Variants in ANKRD30B observed in about 807,000 individuals in gnomAD.
ANKRD30B encodes the protein ankyrin repeat domain-containing protein 30B.
Under a neutral mutation model 202.2 loss-of-function variants are expected in ANKRD30B, and 144 were observed. The ratio of observed to expected loss-of-function variants is 0.71; its 90% CI spans 0.62 to 0.82. The LOEUF is 0.82. ANKRD30B is among the 40% of genes least tolerant of loss of function. ANKRD30B has a pLI of 0.00. For missense variants in ANKRD30B, 1,487 were observed against 1,669.1 expected, an observed-to-expected ratio of 0.89 and a Z score of 1.90; for synonymous variants, 508 against 561.3, an observed-to-expected ratio of 0.91 and a Z score of 1.34.
chr18:14,930,345 T>C, the ANKRD30B span, among the ~76,000 whole-genome samples: 1 of 133,642 alleles, frequency 7.5e-6, no homozygotes, highest in Non-Finnish European at 1.6e-5. Flanking sequence ...AGTGAGTTTC[T>C]GGGAGGAAGG....
chr18:14,765,756 T>G (rs1916023381), intron 7 of ANKRD30B, among the ~76,000 whole-genome samples: 1 of 152,102 alleles, frequency 6.6e-6, no homozygotes, highest in African/African-American at 2.4e-5. Context: ...TCTTTTTTTT[T>G]GTCACCAATC....
chr18:14,895,331 A>G, the ANKRD30B span, among the ~76,000 whole-genome samples: 1 of 152,136 alleles, frequency 6.6e-6, no homozygotes, highest in Non-Finnish European at 1.5e-5. Context: ...CAACAATGAG[A>G]TACCTCTATA....
the ANKRD30B span, among the ~76,000 whole-genome samples, chr18:14,934,279 G>T: frequency 6.6e-6 from 1 of 152,258 alleles, no homozygotes. Context: ...GCGTGTCAGT[G>T]CCTATGAGGC....
At chr18:14,775,525 T>G (rs1208174442) in intron 9 of ANKRD30B, among the ~76,000 whole-genome samples, 2 of 152,354 alleles carry the variant, frequency 1.3e-5, no homozygotes, top group African/African-American at 4.8e-5. Context: ...TTATCCAGTA[T>G]AGATCTGAAG....
At chr18:14,937,777 G>A in the ANKRD30B span, among the ~76,000 whole-genome samples, 2 of 152,040 alleles carry the variant, frequency 1.3e-5, no homozygotes, top group Non-Finnish European at 2.9e-5. Flanking sequence ...TCATTCTTTT[G>A]TTACTTTGTG....
chr18:14,936,252 GAGGTGTTTCCCA>G, the ANKRD30B span, among the ~76,000 whole-genome samples: 1 of 152,222 alleles, frequency 6.6e-6, no homozygotes, highest in Non-Finnish European at 1.5e-5. Flanking sequence ...GTCTGTGTTG[GAGGTGTTTCCCA>G]TCCTTCATGT....
At chr18:14,766,535 C>T (rs1326369693) in intron 7 of ANKRD30B, among the ~76,000 whole-genome samples, 1 of 124,542 alleles carries the variant, frequency 8.0e-6, no homozygotes, top group Non-Finnish European at 1.8e-5. Flanking sequence ...GTCAGGTCAG[C>T]AGAGAAGTGC....
the ANKRD30B span, among the ~76,000 whole-genome samples, chr18:14,922,193 C>T: frequency 0.39 from 58,951 of 151,932 alleles, 13,988 homozygotes; most frequent in East Asian, 0.58. Flanking sequence ...CAGTGCTGCC[C>T]TGTCACAGTG....
At chr18:14,912,869 A>G in the ANKRD30B span, among the ~76,000 whole-genome samples, 5 of 152,370 alleles carry the variant, frequency 3.3e-5, no homozygotes, top group South Asian at 4.1e-4. Context: ...AAAATCTACA[A>G]TCCAAGCTTG....
the ANKRD30B span, among the ~76,000 whole-genome samples, chr18:14,922,674 A>G: frequency 1.3e-5 from 2 of 151,148 alleles, no homozygotes; most frequent in Non-Finnish European, 2.9e-5. Flanking sequence ...AAAAAAAAGA[A>G]AAGAAAAGAA....
chr18:14,787,782 GGAAAGACATA>G (rs1201087375), intron 15 of ANKRD30B, among the ~76,000 whole-genome samples: 1 of 152,154 alleles, frequency 6.6e-6, no homozygotes, highest in African/African-American at 2.4e-5. Context: ...TCACAACTGT[GGAAAGACATA>G]GAAAGTATCT....
chr18:14,869,668 T>C, the ANKRD30B span, among the ~76,000 whole-genome samples: 5 of 151,186 alleles, frequency 3.3e-5, no homozygotes, highest in Non-Finnish European at 7.4e-5. Flanking sequence ...AGCTGCTACA[T>C]TGCAGGTATA....
rs1374552034 is a variant in ANKRD30B, at chr18:14,805,372, T to C, written c.2284+1548T>C. Among the ~76,000 whole-genome samples the C allele has an allele frequency of 3.3e-5, 5 of 151,092 alleles. 1 individual carries two copies. The highest frequency in any genetic ancestry group is 7.4e-5 in the Non-Finnish European group (5 of 67,810). ...AAATTTATAACAAATACATCAATATTGAGGGCCAATTAAATTTGCTGTTCC... is the reference window on the plus strand; with the variant it reads ...AAATTTATAACAAATACATCAATATCGAGGGCCAATTAAATTTGCTGTTCC... On this transcript the variant is annotated intron_variant, in intron 24 of 43. Coordinates refer to ENST00000690538, the MANE Select transcript of ANKRD30B (RefSeq NM_001367607.2).
downstream of ANKRD30B, among the ~76,000 whole-genome samples, chr18:14,856,097 C>T (rs1336848769): frequency 7.9e-5 from 11 of 138,470 alleles, no homozygotes; most frequent in African/African-American, 1.6e-4. Context: ...CGGGCAGAGG[C>T]GCTCCTCACC....
intron 36 of ANKRD30B, 26 bp from the exon 37 acceptor site, chr18:14,840,562 T>G (rs1971375439): frequency 8.7e-7 from 1 of 1,143,622 alleles, no homozygotes; most frequent in Non-Finnish European, 1.1e-6. Context: ...AAAAAAGAAA[T>G]TATTTATTAA....
intron 4 of ANKRD30B, 111 bp downstream of exon 4, chr18:14,755,116 T>C: frequency 1.7e-6 from 1 of 600,468 alleles, no homozygotes. Flanking sequence ...TATTAGATTA[T>C]AGTGAAACAT....
rs552322261 is a variant in ANKRD30B at position 14,852,141 on chromosome 18, C to T, written c.4197C>T (p.His1399=). ...ETQCQMKKAE[H]MYQNEQDNVD... is the part of the protein sequence containing the mutation. ...AGTGTCAAATGAAGAAAGCTGAACACATGTATCAAAATGAACAAGATAATG... is the reference window on the plus strand; with the variant it reads ...AGTGTCAAATGAAGAAAGCTGAACATATGTATCAAAATGAACAAGATAATG... Residue 1399 remains histidine, a synonymous_variant, in exon 42 of 44, where the codon CAC becomes CAT. Transcript: ENST00000690538. The T allele has an allele frequency of 1.1e-4, 180 of 1,596,500 alleles. No homozygotes were observed. Among genetic ancestry groups the T allele is most frequent in the Non-Finnish European group, 1.4e-4 (167 of 1,171,322 alleles).
chr18:14,924,189 T>C, the ANKRD30B span, among the ~76,000 whole-genome samples: 2 of 152,172 alleles, frequency 1.3e-5, no homozygotes, highest in Non-Finnish European at 2.9e-5. Flanking sequence ...AAACTGTTGT[T>C]AGAAATAAAA....
the ANKRD30B span, among the ~76,000 whole-genome samples, chr18:14,926,479 A>C: frequency 6.6e-6 from 1 of 152,138 alleles, no homozygotes; most frequent in African/African-American, 2.4e-5. Context: ...GATTCCACAC[A>C]TTGTCAAGGT....
Sources: gnomAD v4.1 joint callset for allele counts (sites outside exome capture counted in the v4.1 genomes callset) on GRCh38, gnomAD v4.1.1 for gene constraint, MANE v1.5 for transcripts, NCBI Gene and HGNC (gene_info 2026-07-23, HGNC 2026-07-21) for gene names.